The following ASIC2 variants were observed in gnomAD, a reference collection of about 807,000 sequenced individuals.
ASIC2 encodes acid-sensing ion channel 2.
ASIC2 carries 25 observed loss-of-function variants against 57.3 expected under a neutral mutation model. The ratio of observed to expected loss-of-function variants is 0.44; its 90% CI spans 0.32 to 0.61. The LOEUF (loss-of-function observed/expected upper bound fraction) is 0.61. Ranked by LOEUF, ASIC2 falls within the 20% of genes least tolerant of loss-of-function variation. The probability of loss-of-function intolerance (pLI) is 0.06; values close to 1 mark genes in which losing one functional copy is unlikely to be tolerated. For synonymous variants in ASIC2, 319 were observed against 307.5 expected (o/e 1.04, Z -0.39); for missense variants, 641 against 738.1 (o/e 0.87, Z 1.52).
intron 1 of ASIC2, among the ~76,000 whole-genome samples, chr17:33,993,330 T>C (rs1906057510): frequency 6.6e-6 from 1 of 152,210 alleles, no homozygotes; most frequent in South Asian, 2.1e-4. Context: ...TAGGTAGCCA[T>C]TTAAGAGACA....
At chr17:33,800,211 A>G (rs565758885) in intron 1 of ASIC2, among the ~76,000 whole-genome samples, 1 of 152,308 alleles carries the variant, frequency 6.6e-6, no homozygotes, top group African/African-American at 2.4e-5. Flanking sequence ...TTAGACCAGG[A>G]CAATCTGTCA....
intron 1 of ASIC2, among the ~76,000 whole-genome samples, chr17:33,997,554 C>A (rs779639662): frequency 6.6e-6 from 1 of 151,820 alleles, no homozygotes; most frequent in Non-Finnish European, 1.5e-5. Context: ...TAGTTTTATA[C>A]CTAATTTGTT....
intron 1 of ASIC2, among the ~76,000 whole-genome samples, chr17:33,684,333 G>A (rs939789618): frequency 6.6e-6 from 1 of 152,134 alleles, no homozygotes; most frequent in Admixed American, 6.5e-5. Flanking sequence ...GGGGAGGGGG[G>A]TGCTCTTCAG....
chr17:33,106,515 G>A (rs995016574), intron 2 of ASIC2, among the ~76,000 whole-genome samples: 2 of 152,120 alleles, frequency 1.3e-5, no homozygotes, highest in South Asian at 2.1e-4. Context: ...CACGGATTCC[G>A]GTTTCCTCAG....
chr17:33,569,005 C>A (rs1414339687), intron 1 of ASIC2, among the ~76,000 whole-genome samples: 3 of 152,190 alleles, frequency 2.0e-5, no homozygotes, highest in Non-Finnish European at 2.9e-5. Context: ...TTTATGTCTT[C>A]CCTTGAAGGT....
At chr17:33,974,605 T>TATCCATCC (rs55947544) in intron 1 of ASIC2, among the ~76,000 whole-genome samples, 48,652 of 145,204 alleles carry the variant, frequency 0.34, 8,422 homozygotes, top group Non-Finnish European at 0.37. Flanking sequence ...GGAACCTATC[T>TATCCATCC]ATCCATCCAT....
At chr17:33,573,995 CCTT>C (rs113901766) in intron 1 of ASIC2, among the ~76,000 whole-genome samples, 1,751 of 152,324 alleles carry the variant, frequency 0.011, 33 homozygotes, top group African/African-American at 0.04. Context: ...TTGACCATCT[CCTT>C]CTCTTTTGGT....
At chr17:34,114,763 A>C (rs895402096) in intron 1 of ASIC2, among the ~76,000 whole-genome samples, 11 of 152,194 alleles carry the variant, frequency 7.2e-5, no homozygotes, top group Non-Finnish European at 1.5e-4. Flanking sequence ...CACAGCCAGC[A>C]TTATTCCCCA....
intron 1 of ASIC2, among the ~76,000 whole-genome samples, chr17:33,368,399 A>C (rs1713497589): frequency 6.6e-6 from 1 of 152,180 alleles, no homozygotes; most frequent in African/African-American, 2.4e-5. Flanking sequence ...AGATAATTCT[A>C]GCCCCAAGCC....
chr17:34,120,884 G>A (rs1350422725), intron 1 of ASIC2, among the ~76,000 whole-genome samples: 5 of 150,914 alleles, frequency 3.3e-5, no homozygotes, highest in East Asian at 1.9e-4. Flanking sequence ...GATTATAGGC[G>A]CCTGCCACCA....
intron 1 of ASIC2, among the ~76,000 whole-genome samples, chr17:33,960,214 G>A (rs1370935543): frequency 6.6e-6 from 1 of 152,220 alleles, no homozygotes; most frequent in Non-Finnish European, 1.5e-5. Context: ...GCAGCTGCCA[G>A]CAGCAACCTC....
intron 1 of ASIC2, among the ~76,000 whole-genome samples, chr17:33,982,661 T>C (rs1316739317): frequency 3.9e-5 from 6 of 152,190 alleles, no homozygotes; most frequent in Non-Finnish European, 8.8e-5. Flanking sequence ...CATGTTGACC[T>C]GGTAAATTCC....
chr17:33,779,432 A>G (rs916853947), intron 1 of ASIC2, among the ~76,000 whole-genome samples: 2 of 152,214 alleles, frequency 1.3e-5, no homozygotes, highest in African/African-American at 4.8e-5. Flanking sequence ...AAGTCTAGTT[A>G]TTCTGTAAGA....
intron 1 of ASIC2, among the ~76,000 whole-genome samples, chr17:33,664,465 T>C (rs761732587): frequency 6.6e-6 from 1 of 152,228 alleles, no homozygotes; most frequent in African/African-American, 2.4e-5. Context: ...AAGTGGAGTA[T>C]ACAAGATGAT....
In ASIC2 at chr17:33,200,148, C is replaced by A. The variant is rs570379189; in HGVS notation, c.709-88081G>T. ...GACTTCAGTGTTAGCTTTCTCTAAC[C>A]CCCGAGCTTCTCTTCGCTAGCAATA... On this transcript the variant is annotated intron_variant, in intron 1 of 9. Transcript: ENST00000225823. Among the ~76,000 whole-genome samples, 5 of 152,176 alleles carry A rather than the reference C, an allele frequency of 3.3e-5. No homozygotes were observed. In the East Asian group the frequency reaches 9.6e-4, roughly 29 times the overall value.
chr17:34,079,675 A>T (rs779918355), intron 1 of ASIC2, among the ~76,000 whole-genome samples: 3 of 152,250 alleles, frequency 2.0e-5, no homozygotes, highest in Non-Finnish European at 4.4e-5. Context: ...TTTAAATGTC[A>T]TAGGGTTGGC....
At chr17:33,301,731 G>T (rs552841249) in intron 1 of ASIC2, among the ~76,000 whole-genome samples, 1 of 152,240 alleles carries the variant, frequency 6.6e-6, no homozygotes, top group South Asian at 2.1e-4. Flanking sequence ...GCTTTATCAG[G>T]GATGAGCACA....
At chr17:33,632,847 A>G (rs771197182) in intron 1 of ASIC2, among the ~76,000 whole-genome samples, 5 of 152,150 alleles carry the variant, frequency 3.3e-5, no homozygotes, top group Non-Finnish European at 5.9e-5. Context: ...TTTATGTTGC[A>G]TTTACTTTCT....
intron 1 of ASIC2, among the ~76,000 whole-genome samples, chr17:33,800,950 T>G (rs1009771448): frequency 2.0e-5 from 3 of 152,206 alleles, no homozygotes; most frequent in Non-Finnish European, 4.4e-5. Context: ...TTAACTACCA[T>G]GCTGTGCTAC....
Sources: allele counts gnomAD v4.1 joint callset (sites outside exome capture counted in the v4.1 genomes callset), GRCh38; gene constraint gnomAD v4.1.1; transcripts MANE v1.5; gene names NCBI Gene and HGNC (gene_info 2026-07-23, HGNC 2026-07-21).